The following HEATR4 variants were observed in gnomAD, a reference collection of about 807,000 sequenced individuals.
HEATR4 encodes HEAT repeat containing 4, also known as HEAT repeat-containing protein 4.
Under a neutral mutation model 108.8 loss-of-function variants are expected in HEATR4, and 95 were observed. The observed-to-expected ratio is 0.87, with a 90% CI of 0.74 to 1.04. The LOEUF (loss-of-function observed/expected upper bound fraction) is 1.04, where lower values mean the gene tolerates loss of function less well. Ranked by LOEUF, HEATR4 falls within the 50% of genes least tolerant of loss-of-function variation. HEATR4 has a pLI of 0.00. For missense variants in HEATR4, 1,152 were observed against 1,253.8 expected (o/e 0.92, Z 1.23); for synonymous variants, 443 against 459.4 (o/e 0.96, Z 0.46).
At position 73,513,728 on chromosome 14, in the gene HEATR4, C is replaced by CAAAAAA. The variant is rs747778891; in HGVS notation, c.1414+297_1414+302dup. On this transcript the variant is annotated intron_variant, in intron 6 of 17. Transcript: ENST00000553558. The stretch of plus-strand genomic sequence containing the variant: ...GGCAACAAGAGCGAAACTACGTCTC[C>CAAAAAA]AAAAAAAAAAAAAAAAAAAAAAAAA... Among the ~76,000 whole-genome samples the CAAAAAA allele has an allele frequency of 6.8e-4, 32 of 46,772 alleles. 2 individuals are homozygous for CAAAAAA. Among genetic ancestry groups the CAAAAAA allele is most frequent in the Non-Finnish European group, 1.0e-3 (27 of 26,368 alleles). The allele number at this position is 46,772 out of a possible 152,430, so 30.7% of individuals were successfully genotyped here.
At chr14:73,612,584 C>T in the HEATR4 span, 1 of 1,407,178 alleles carries the variant, frequency 7.1e-7, no homozygotes. Context: ...GGCAGCGACG[C>T]TGATCCTGGA....
At chr14:73,568,432 G>A in the HEATR4 span, among the ~76,000 whole-genome samples, 3 of 151,970 alleles carry the variant, frequency 2.0e-5, no homozygotes, top group East Asian at 5.8e-4. Context: ...GGGGAGCTCC[G>A]GTAGTCCTTT....
chr14:73,542,686 G>A lies in HEATR4; in HGVS notation c.-151-12442C>T, dbSNP rs1421811100. Among the ~76,000 whole-genome samples the A allele has an allele frequency of 2.7e-5, 3 of 111,770 alleles. 1 individual carries two copies. The highest frequency in any genetic ancestry group is 9.1e-5 in the African/African-American group (3 of 32,954). The allele number at this position is 111,770 out of a possible 152,430, so 73.3% of individuals were successfully genotyped here. On this transcript the variant is annotated intron_variant, in intron 1 of 17. Transcript: ENST00000553558. The stretch of plus-strand genomic sequence containing the variant: ...CTCCCAAACTGTTGGGATTACAGGC[G>A]TCAGCCACCACGCCCGGCCATGAGA...
chr14:73,619,110 A>G, the HEATR4 span: 1 of 1,263,124 alleles, frequency 7.9e-7, no homozygotes, highest in Non-Finnish European at 1.1e-6. Flanking sequence ...AGCCTGGGTG[A>G]CAGAGCGAGA....
chr14:73,511,473 C>T (rs61669766), intron 7 of HEATR4, among the ~76,000 whole-genome samples: 5,684 of 150,812 alleles, frequency 0.038, 359 homozygotes, highest in African/African-American at 0.13. Flanking sequence ...GAGCAGAGAT[C>T]GCGCCACTGC....
the HEATR4 span, among the ~76,000 whole-genome samples, chr14:73,567,442 A>C: frequency 6.6e-5 from 10 of 152,196 alleles, no homozygotes; most frequent in East Asian, 1.9e-3. Flanking sequence ...GTCTAGCTAA[A>C]GGTTTGTAAA....
chr14:73,592,304 G>C, the HEATR4 span: 6 of 1,611,504 alleles, frequency 3.7e-6, no homozygotes, highest in Non-Finnish European at 5.1e-6. Context: ...ACGACCCCGA[G>C]CCTGGACGGC....
chr14:73,540,782 C>T (rs929158379), intron 1 of HEATR4, among the ~76,000 whole-genome samples: 2 of 101,112 alleles, frequency 2.0e-5, no homozygotes, highest in Non-Finnish European at 4.0e-5. Flanking sequence ...CTCGCTCTTT[C>T]GCCCAGGCTG....
At chr14:73,481,888 C>A (rs1292097877) in intron 17 of HEATR4, among the ~76,000 whole-genome samples, 1 of 151,986 alleles carries the variant, frequency 6.6e-6, no homozygotes, top group Non-Finnish European at 1.5e-5. Flanking sequence ...TGTCCAGCTA[C>A]TCGGGAGGCT....
intron 17 of HEATR4, among the ~76,000 whole-genome samples, 190 bp from the exon 18 acceptor site, chr14:73,479,032 G>A (rs557115591): frequency 3.5e-4 from 53 of 152,072 alleles, no homozygotes; most frequent in Non-Finnish European, 6.2e-4. Context: ...TCCGACTCCC[G>A]GGTTCAAGTG....
chr14:73,613,012 G>A, the HEATR4 span: 1 of 924,160 alleles, frequency 1.1e-6, no homozygotes, highest in Non-Finnish European at 1.5e-6. Flanking sequence ...TGCGCGCCGC[G>A]CTCTTCCTGC....
At chr14:73,488,379 T>A (rs1192359935) in intron 17 of HEATR4, among the ~76,000 whole-genome samples, 1 of 152,134 alleles carries the variant, frequency 6.6e-6, no homozygotes, top group African/African-American at 2.4e-5. Flanking sequence ...CATGCAATTC[T>A]CCTGCCTCAG....
At chr14:73,597,319 C>CAA in the HEATR4 span, among the ~76,000 whole-genome samples, 1 of 150,986 alleles carries the variant, frequency 6.6e-6, no homozygotes, top group African/African-American at 2.4e-5. Flanking sequence ...CTCCTGACCT[C>CAA]GTGATCCACC....
chr14:73,592,521 A>C, the HEATR4 span: 3 of 1,320,162 alleles, frequency 2.3e-6, no homozygotes, highest in Non-Finnish European at 3.0e-6. Flanking sequence ...AGATCAGAGA[A>C]GCTAACATTG....
At chr14:73,532,005 C>G (rs1888722783) in intron 1 of HEATR4, among the ~76,000 whole-genome samples, 1 of 114,598 alleles carries the variant, frequency 8.7e-6, no homozygotes, top group Admixed American at 9.9e-5. Context: ...GCACTCCAGC[C>G]TGGGCAGCAA....
upstream of HEATR4, among the ~76,000 whole-genome samples, chr14:73,561,199 C>G (rs1280550471): frequency 1.6e-4 from 24 of 151,566 alleles, no homozygotes; most frequent in African/African-American, 5.3e-4. Context: ...AACTCCATCT[C>G]TACTAAAAAT....
In HEATR4 at chr14:73,495,332, A is replaced by G. The variant is rs374999620; in HGVS notation, c.2681T>C (p.Met894Thr). The G allele has an allele frequency of 2.1e-4, 334 of 1,613,906 alleles. 1 individual carries two copies. Among genetic ancestry groups the G allele is most frequent in the Non-Finnish European group, 2.7e-4 (321 of 1,179,928 alleles). The change falls in exon 16 of 18, where the codon ATG becomes ACG. Residue 894 changes from methionine to threonine, a missense_variant. Physicochemically the swap from Met to Thr is moderately conservative, Grantham distance 81. Coordinates refer to ENST00000553558, the MANE Select transcript of HEATR4 (RefSeq NM_001220484.1). ...LLTHKILKLE[M>T]VMGKVREEAK... ...TTCCTCCCTCACTTTTCCCATGACC[A>G]TCTCCAGCTTGAGTATTTTGTGTGT...
chr14:73,630,971 T>C, the HEATR4 span, among the ~76,000 whole-genome samples: 2 of 152,152 alleles, frequency 1.3e-5, no homozygotes, highest in Non-Finnish European at 2.9e-5. Context: ...TCCTTGCTTT[T>C]CAGAGAAAAG....
chr14:73,544,207 T>C lies in HEATR4; in HGVS notation c.-151-13963A>G, dbSNP rs1346031508. The stretch of plus-strand genomic sequence containing the variant: ...TACTCAGGAGGCTGACGCAGGAGAA[T>C]TGCTTGAACCCGGGAGGCAGAGGTT... On this transcript the variant is annotated intron_variant, in intron 1 of 17. Transcript: ENST00000553558. Among the ~76,000 whole-genome samples, 3 of 114,932 alleles carry C rather than the reference T, an allele frequency of 2.6e-5. 1 individual carries two copies. The allele number at this position is 114,932 out of a possible 152,430, so 75.4% of individuals were successfully genotyped here. A position where few individuals can be genotyped will look rare whatever the true frequency, so the allele number is the denominator to read the frequency against.
Sources: allele counts gnomAD v4.1 joint callset (sites outside exome capture counted in the v4.1 genomes callset), GRCh38; gene constraint gnomAD v4.1.1; transcripts MANE v1.5; gene names NCBI Gene and HGNC (gene_info 2026-07-23, HGNC 2026-07-21).